Variants in CPA6 observed in about 807,000 individuals in gnomAD.
CPA6 encodes the protein carboxypeptidase B.
Under a neutral mutation model 63.3 loss-of-function variants are expected in CPA6, and 58 were observed. The observed-to-expected ratio is 0.92, with a 90% CI of 0.74 to 1.14. CPA6 has a LOEUF of 1.14. CPA6 is among the 50% of genes most tolerant of loss of function. The probability of loss-of-function intolerance (pLI) is 0.00; values close to 1 mark genes in which losing one functional copy is unlikely to be tolerated. For missense variants in CPA6, 565 were observed against 526.6 expected, an observed-to-expected ratio of 1.07 and a Z score of -0.71; for synonymous variants, 185 against 179.0, an observed-to-expected ratio of 1.03 and a Z score of -0.27.
chr8:67,524,881 A>G (rs1406384738), intron 2 of CPA6, among the ~76,000 whole-genome samples: 1 of 152,148 alleles, frequency 6.6e-6, no homozygotes, highest in East Asian at 1.9e-4. Flanking sequence ...TTGTCCACTC[A>G]TCCCATTTCT....
chr8:67,631,096 A>G (rs1815317518), intron 1 of CPA6, among the ~76,000 whole-genome samples: 1 of 152,160 alleles, frequency 6.6e-6, no homozygotes, highest in South Asian at 2.1e-4. Context: ...AGGGCTGAGG[A>G]GTGCGGCTGC....
At chr8:67,645,872 G>C (rs1421162177) in intron 1 of CPA6, among the ~76,000 whole-genome samples, 1 of 152,186 alleles carries the variant, frequency 6.6e-6, no homozygotes, top group East Asian at 1.9e-4. Context: ...TTAGCTGTCT[G>C]TACTGGTTTC....
chr8:67,582,750 C>T lies in CPA6; in HGVS notation c.192+41426G>A, dbSNP rs139536248. Among the ~76,000 whole-genome samples, 4 of 143,214 alleles carry T rather than the reference C, an allele frequency of 2.8e-5. No homozygotes were observed. The East Asian group carries it at 8.2e-4, about 29-fold the overall frequency. The allele number at this position is 143,214 out of a possible 152,430, so 94.0% of individuals were successfully genotyped here. On this transcript the variant is annotated intron_variant, in intron 2 of 10. Transcript: ENST00000297770. ...TACAATGAAGATTTTTCATGTCAGT[C>T]ATGGTTGTAGTTCATGTGGGAATAA...
intron 2 of CPA6, among the ~76,000 whole-genome samples, chr8:67,622,152 T>G (rs1815097482): frequency 6.6e-6 from 1 of 152,234 alleles, no homozygotes; most frequent in Non-Finnish European, 1.5e-5. Context: ...CTTTGAGAAA[T>G]ATTTTGCTCC....
At chr8:67,571,054 C>T (rs1459944910) in intron 2 of CPA6, among the ~76,000 whole-genome samples, 1 of 152,154 alleles carries the variant, frequency 6.6e-6, no homozygotes, top group Admixed American at 6.5e-5. Flanking sequence ...GCGATACTTG[C>T]TTGTATCAGA....
chr8:67,601,939 A>G (rs1814506956), intron 2 of CPA6, among the ~76,000 whole-genome samples: 1 of 152,214 alleles, frequency 6.6e-6, no homozygotes, highest in African/African-American at 2.4e-5. Context: ...AACAATGTTT[A>G]TAACAGCATA....
intron 1 of CPA6, among the ~76,000 whole-genome samples, chr8:67,696,007 G>A (rs995672606): frequency 3.9e-5 from 6 of 152,152 alleles, no homozygotes; most frequent in Non-Finnish European, 8.8e-5. Flanking sequence ...AGTTAAGACT[G>A]CCACCTGGCC....
chr8:67,616,538 T>TGTGC (rs1554680746), intron 2 of CPA6, among the ~76,000 whole-genome samples: 70 of 150,932 alleles, frequency 4.6e-4, no homozygotes, highest in Non-Finnish European at 3.0e-5. Flanking sequence ...TGTGTGTGTG[T>TGTGC]GTGTGTGTGT....
intron 2 of CPA6, among the ~76,000 whole-genome samples, chr8:67,597,198 CTTT>C (rs1219322033): frequency 3.0e-5 from 4 of 135,074 alleles, no homozygotes; most frequent in East Asian, 2.1e-4. Flanking sequence ...CTCTGTGTCT[CTTT>C]TTTTTTTTTT....
At chr8:67,596,193 T>A (rs1814330424) in intron 2 of CPA6, among the ~76,000 whole-genome samples, 1 of 152,258 alleles carries the variant, frequency 6.6e-6, no homozygotes, top group South Asian at 2.1e-4. Flanking sequence ...CCTTTAACAT[T>A]TCCTTTAGTG....
chr8:67,557,673 C>A (rs532639020), intron 2 of CPA6, among the ~76,000 whole-genome samples: 1 of 152,284 alleles, frequency 6.6e-6, no homozygotes, highest in South Asian at 2.1e-4. Flanking sequence ...GCCAGTGCCC[C>A]CCTCAGAGGT....
intron 1 of CPA6, among the ~76,000 whole-genome samples, chr8:67,676,929 C>T (rs1052342134): frequency 1.3e-5 from 2 of 152,114 alleles, no homozygotes; most frequent in Non-Finnish European, 2.9e-5. Flanking sequence ...TGGGAAAAAA[C>T]GTGTGCATAT....
intron 3 of CPA6, among the ~76,000 whole-genome samples, chr8:67,512,587 A>G (rs1177497313): frequency 6.6e-6 from 1 of 152,190 alleles, no homozygotes; most frequent in Non-Finnish European, 1.5e-5. Flanking sequence ...AGATAAATAC[A>G]GGCCTGTCTT....
chr8:67,507,641 A>G (rs138558961), intron 5 of CPA6, among the ~76,000 whole-genome samples: 1 of 152,316 alleles, frequency 6.6e-6, no homozygotes, highest in Non-Finnish European at 1.5e-5. Flanking sequence ...TTCAAACATG[A>G]AAATACAAGG....
chr8:67,604,181 T>G (rs1279967854), intron 2 of CPA6, among the ~76,000 whole-genome samples: 1 of 152,220 alleles, frequency 6.6e-6, no homozygotes, highest in Admixed American at 6.5e-5. Context: ...GAACATGTGT[T>G]TCAGTAAGGA....
intron 2 of CPA6, among the ~76,000 whole-genome samples, chr8:67,534,948 A>G (rs1407233804): frequency 6.8e-6 from 1 of 147,530 alleles, no homozygotes; most frequent in Non-Finnish European, 1.5e-5. Context: ...ACTCCCACTT[A>G]TGAACATGTG....
At chr8:67,430,376 C>T (rs1810001155) in intron 9 of CPA6, among the ~76,000 whole-genome samples, 1 of 151,762 alleles carries the variant, frequency 6.6e-6, no homozygotes, top group African/African-American at 2.4e-5. Flanking sequence ...GATGGGGTTT[C>T]ACCATGTTGG....
chr8:67,510,775 G>A (rs1195221928), intron 4 of CPA6, among the ~76,000 whole-genome samples: 4 of 152,166 alleles, frequency 2.6e-5, no homozygotes, highest in Non-Finnish European at 5.9e-5. Context: ...TGCCACTGGA[G>A]TTACAGCGGT....
chr8:67,687,641 C>G (rs549485073), intron 1 of CPA6, among the ~76,000 whole-genome samples: 2 of 152,218 alleles, frequency 1.3e-5, no homozygotes, highest in East Asian at 1.9e-4. Context: ...ATCTAATGAG[C>G]TGCAATAGAT....
Sources: gnomAD v4.1 joint callset for allele counts (sites outside exome capture counted in the v4.1 genomes callset) on GRCh38, gnomAD v4.1.1 for gene constraint, MANE v1.5 for transcripts, NCBI Gene and HGNC (gene_info 2026-07-23, HGNC 2026-07-21) for gene names.